SUPT3H: variants seen among roughly 807,000 people sequenced by gnomAD.
SUPT3H encodes the protein SPT3 homolog, SAGA and STAGA complex component.
A neutral mutation model predicts 44.3 loss-of-function variants in SUPT3H; 44 were observed. That is an observed-to-expected ratio of 0.99 (90% CI 0.78 to 1.28). The LOEUF (loss-of-function observed/expected upper bound fraction) is 1.28. Among genes scored for constraint, SUPT3H ranks in the 50% most tolerant of loss-of-function variants. The pLI is 0.00. For synonymous variants in SUPT3H, 124 were observed against 125.6 expected (o/e 0.99, Z 0.09); for missense variants, 380 against 387.1 (o/e 0.98, Z 0.15).
chr6:45,328,785 G>A, intron 2 of SUPT3H: 2 of 1,611,862 alleles, frequency 1.2e-6, no homozygotes, highest in Non-Finnish European at 1.7e-6. Context: ...TTCTTTTGGG[G>A]TAAGTGTTAC....
At chr6:45,296,469 T>C (rs1203776271) in intron 2 of SUPT3H, among the ~76,000 whole-genome samples, 2 of 152,020 alleles carry the variant, frequency 1.3e-5, no homozygotes, top group Non-Finnish European at 1.5e-5. Context: ...CCAGGTGTGA[T>C]GACTCATGCC....
chr6:45,350,835 G>A (rs1004583065), intron 2 of SUPT3H, among the ~76,000 whole-genome samples: 2 of 152,054 alleles, frequency 1.3e-5, no homozygotes, highest in Admixed American at 6.5e-5. Flanking sequence ...ATTTTCAGAC[G>A]GATTTATAAT....
At chr6:45,192,184 C>A (rs889600390) in intron 2 of SUPT3H, among the ~76,000 whole-genome samples, 1 of 152,044 alleles carries the variant, frequency 6.6e-6, no homozygotes, top group African/African-American at 2.4e-5. Flanking sequence ...CTTTTACAGG[C>A]AGTTAACTGA....
intron 3 of SUPT3H, 49 bp from the exon 4 acceptor site, chr6:45,020,681 T>C: frequency 7.4e-7 from 1 of 1,344,174 alleles, no homozygotes; most frequent in Non-Finnish European, 1.1e-6. Context: ...ACAAATTATA[T>C]ATAGTACAGT....
chr6:45,150,033 CATCA>C (rs1433476045), intron 2 of SUPT3H, among the ~76,000 whole-genome samples: 10 of 151,874 alleles, frequency 6.6e-5, no homozygotes, highest in Non-Finnish European at 1.2e-4. Flanking sequence ...GGGGCCCCAG[CATCA>C]ATGTTTTTTT....
In SUPT3H at chr6:44,894,240, C is replaced by G. The variant is rs1204270992; in HGVS notation, c.912+38413G>C. Among the ~76,000 whole-genome samples, 542 of 148,620 alleles carry G rather than the reference C, an allele frequency of 3.6e-3. 3 individuals are homozygous for G. The highest frequency in any genetic ancestry group is 8.2e-3 in the African/African-American group (334 of 40,536). ...TCTTTAGTTTAATTAGATCCCATTT[C>G]TCAATTTTGGCTTTTGTTGCCATTG... On this transcript the variant is annotated intron_variant, in intron 10 of 10. Coordinates refer to ENST00000371459, the MANE Select transcript of SUPT3H (RefSeq NM_003599.4).
rs568757420 is a variant in SUPT3H at position 45,372,955 on chromosome 6, C to T, written c.-1+4813G>A. ...GTCTCAGCCTCCCAAGTAGCAGGTG[C>T]ACGCCAAGACACGCGGCTAATTTTT... On this transcript the variant is annotated intron_variant, in intron 1 of 10. Coordinates refer to ENST00000371459, the MANE Select transcript of SUPT3H (RefSeq NM_003599.4). Among the ~76,000 whole-genome samples the T allele has an allele frequency of 6.5e-4, 99 of 152,156 alleles. 1 individual carries two copies. The highest frequency in any genetic ancestry group is 1.2e-3 in the South Asian group (6 of 4,824).
chr6:45,178,128 T>C (rs1007456210), intron 2 of SUPT3H, among the ~76,000 whole-genome samples: 9 of 152,030 alleles, frequency 5.9e-5, no homozygotes, highest in South Asian at 4.2e-4. Flanking sequence ...GACTGGCAAA[T>C]TGGATAAAGA....
intron 2 of SUPT3H, among the ~76,000 whole-genome samples, chr6:45,151,575 A>C (rs1447708150): frequency 1.3e-5 from 2 of 152,308 alleles, no homozygotes; most frequent in East Asian, 3.9e-4. Flanking sequence ...AGAAACAGAA[A>C]GTTAACTGTA....
chr6:44,868,687 C>T (rs1432153015), intron 10 of SUPT3H, among the ~76,000 whole-genome samples: 6 of 152,166 alleles, frequency 3.9e-5, no homozygotes, highest in Admixed American at 2.6e-4. Context: ...CCTGTCTTCC[C>T]CTCTTTGGAG....
intron 2 of SUPT3H, among the ~76,000 whole-genome samples, chr6:45,304,662 A>T (rs888560550): frequency 1.3e-5 from 2 of 152,176 alleles, no homozygotes; most frequent in Non-Finnish European, 2.9e-5. Flanking sequence ...AAAATAAAAG[A>T]AGTAGTATTC....
At chr6:45,256,579 C>G (rs1171431885) in intron 2 of SUPT3H, among the ~76,000 whole-genome samples, 1 of 152,064 alleles carries the variant, frequency 6.6e-6, no homozygotes, top group Non-Finnish European at 1.5e-5. Flanking sequence ...CTCTCCACCC[C>G]CCACCCTCCC....
rs540857557 is a variant in SUPT3H, at chr6:45,232,994, C to T, written c.102-126988G>A. ...AGCCTGAACACAGTGATAACTCTTA[C>T]GGGGGGAAGAGATCATACTCTCTGT... On this transcript the variant is annotated intron_variant, in intron 2 of 10. Transcript: ENST00000371459. 7.2e-5 allele frequency among the ~76,000 whole-genome samples: 11 copies of T among 152,230 alleles called. No homozygotes were observed. The South Asian group carries it at 1.9e-3, about 26-fold the overall frequency.
At chr6:45,249,446 A>G (rs1251799371) in intron 2 of SUPT3H, among the ~76,000 whole-genome samples, 1 of 147,036 alleles carries the variant, frequency 6.8e-6, no homozygotes, top group Non-Finnish European at 1.5e-5. Context: ...CAAACAACAG[A>G]CACACAAAAA....
At position 44,919,797 on chromosome 6, in the gene SUPT3H, T is replaced by C. The variant is rs1372720690; in HGVS notation, c.912+12856A>G. 3.3e-5 allele frequency among the ~76,000 whole-genome samples: 5 copies of C among 152,316 alleles called. No individual in the cohort carries two copies. The South Asian group carries it at 6.2e-4, about 19-fold the overall frequency. Reference sequence around the variant, plus strand: ...CTCTTTTAGCCTCTCGCCTGCAATATTGCAGTGCCACCTAATTTGTTTCCT... The same window carrying C: ...CTCTTTTAGCCTCTCGCCTGCAATACTGCAGTGCCACCTAATTTGTTTCCT... On this transcript the variant is annotated intron_variant, in intron 10 of 10. Coordinates refer to ENST00000371459, the MANE Select transcript of SUPT3H (RefSeq NM_003599.4).
At chr6:44,901,781 G>T (rs539521659) in intron 10 of SUPT3H, among the ~76,000 whole-genome samples, 1 of 151,788 alleles carries the variant, frequency 6.6e-6, no homozygotes, top group Admixed American at 6.6e-5. Flanking sequence ...GAGAAAGGTC[G>T]GGTTACCCAC....
intron 4 of SUPT3H, among the ~76,000 whole-genome samples, chr6:45,019,032 G>T (rs966233803): frequency 6.6e-6 from 1 of 152,108 alleles, no homozygotes; most frequent in Non-Finnish European, 1.5e-5. Context: ...AGATTCTGTT[G>T]TTGGTCTATT....
chr6:45,217,101 T>C (rs1765185979), intron 2 of SUPT3H, among the ~76,000 whole-genome samples: 1 of 152,178 alleles, frequency 6.6e-6, no homozygotes, highest in Non-Finnish European at 1.5e-5. Context: ...GATACAATTA[T>C]TATGTGTTAA....
At chr6:44,913,141 C>T (rs1327588515) in intron 10 of SUPT3H, among the ~76,000 whole-genome samples, 1 of 152,106 alleles carries the variant, frequency 6.6e-6, no homozygotes, top group African/African-American at 2.4e-5. Context: ...ATTTCTTCTC[C>T]CTTTCTTCCC....
Sources: gnomAD v4.1 joint callset for allele counts (sites outside exome capture counted in the v4.1 genomes callset) on GRCh38, gnomAD v4.1.1 for gene constraint, MANE v1.5 for transcripts, NCBI Gene and HGNC (gene_info 2026-07-23, HGNC 2026-07-21) for gene names.